HIVEP3: variants seen among roughly 807,000 people sequenced by gnomAD.
HIVEP3 encodes the protein transcription factor HIVEP3.
In HIVEP3, 49 loss-of-function variants were observed where a neutral mutation model predicts 152.8. The ratio of observed to expected loss-of-function variants is 0.32; its 90% CI spans 0.26 to 0.41. The LOEUF (loss-of-function observed/expected upper bound fraction) is 0.41. Ranked by LOEUF, HIVEP3 falls within the 10% of genes least tolerant of loss-of-function variation. The pLI is 1.00. For synonymous variants in HIVEP3, 1,269 were observed against 1,289.0 expected, an observed-to-expected ratio of 0.98 and a Z score of 0.33; for missense variants, 2,790 against 3,103.3, an observed-to-expected ratio of 0.90 and a Z score of 2.40.
At chr1:41,625,883 C>T (rs1401355051) in intron 3 of HIVEP3, among the ~76,000 whole-genome samples, 5 of 152,084 alleles carry the variant, frequency 3.3e-5, no homozygotes, top group Admixed American at 2.0e-4. Flanking sequence ...TATTCATAAA[C>T]CATCATTTTA....
chr1:41,530,315 T>C (rs1345771091), intron 5 of HIVEP3, among the ~76,000 whole-genome samples: 4 of 152,192 alleles, frequency 2.6e-5, no homozygotes, highest in African/African-American at 9.6e-5. Context: ...CTCGGTTCTC[T>C]TAGGAAGGGC....
chr1:42,008,145 T>G (rs1039863716), intron 1 of HIVEP3, among the ~76,000 whole-genome samples: 3 of 147,260 alleles, frequency 2.0e-5, no homozygotes, highest in Non-Finnish European at 4.4e-5. Flanking sequence ...GAAAATATGA[T>G]GGAATGTACA....
chr1:41,606,085 C>T (rs79122961), intron 3 of HIVEP3, among the ~76,000 whole-genome samples: 2,123 of 149,752 alleles, frequency 0.014, 96 homozygotes, highest in African/African-American at 0.052. Flanking sequence ...GAATGCCAAA[C>T]CGTCCTCACT....
intron 1 of HIVEP3, among the ~76,000 whole-genome samples, chr1:42,015,822 C>T (rs1435322741): frequency 1.3e-5 from 2 of 152,272 alleles, no homozygotes; most frequent in Admixed American, 1.3e-4. Context: ...GGATAAAAAT[C>T]TCAGTGAATA....
At chr1:41,753,249 T>A (rs1647193602) in intron 1 of HIVEP3, among the ~76,000 whole-genome samples, 1 of 152,250 alleles carries the variant, frequency 6.6e-6, no homozygotes, top group African/African-American at 2.4e-5. Flanking sequence ...GTTTTTTTAA[T>A]GTGCATCCCC....
At chr1:41,958,937 A>G (rs555156155) in intron 1 of HIVEP3, among the ~76,000 whole-genome samples, 24 of 152,340 alleles carry the variant, frequency 1.6e-4, no homozygotes, top group African/African-American at 5.1e-4. Flanking sequence ...ACCAAGTGAC[A>G]TGAGCTCTGT....
chr1:41,727,144 G>C (rs1646764813), intron 1 of HIVEP3, among the ~76,000 whole-genome samples: 1 of 152,168 alleles, frequency 6.6e-6, no homozygotes, highest in African/African-American at 2.4e-5. Context: ...GTGTTCACTG[G>C]GTTTTTCTAT....
intron 5 of HIVEP3, among the ~76,000 whole-genome samples, chr1:41,541,088 GTGTTGATGCA>G (rs1643520637): frequency 1.3e-5 from 2 of 152,150 alleles, no homozygotes; most frequent in South Asian, 4.1e-4. Flanking sequence ...TAGGCATGGG[GTGTTGATGCA>G]TCAGACTGCC....
intron 1 of HIVEP3, among the ~76,000 whole-genome samples, chr1:41,892,507 A>G (rs1289566917): frequency 6.6e-6 from 1 of 152,226 alleles, no homozygotes; most frequent in East Asian, 1.9e-4. Context: ...AGCACAGAGA[A>G]GGCAGGAAGA....
chr1:41,727,414 TG>T (rs1413475219), intron 1 of HIVEP3, among the ~76,000 whole-genome samples: 1 of 152,110 alleles, frequency 6.6e-6, no homozygotes, highest in Non-Finnish European at 1.5e-5. Flanking sequence ...GCAAGGCCTC[TG>T]GGGATCCCAA....
chr1:41,900,832 G>A (rs1286782621), intron 1 of HIVEP3, among the ~76,000 whole-genome samples: 1 of 152,152 alleles, frequency 6.6e-6, no homozygotes, highest in African/African-American at 2.4e-5. Flanking sequence ...GGGAGTGGCC[G>A]GAGGTGAGGC....
At chr1:41,903,117 C>T (rs181640436) in intron 1 of HIVEP3, among the ~76,000 whole-genome samples, 1 of 152,286 alleles carries the variant, frequency 6.6e-6, no homozygotes, top group East Asian at 1.9e-4. Flanking sequence ...AATACATCTA[C>T]CAACTACCAT....
intron 1 of HIVEP3, among the ~76,000 whole-genome samples, chr1:41,776,023 A>T (rs1648685518): frequency 2.0e-5 from 3 of 152,312 alleles, no homozygotes; most frequent in Admixed American, 2.0e-4. Context: ...ATCACAGAAG[A>T]TCCACTGCAA....
At chr1:41,958,628 C>A (rs1645153023) in intron 1 of HIVEP3, among the ~76,000 whole-genome samples, 1 of 152,228 alleles carries the variant, frequency 6.6e-6, no homozygotes, top group South Asian at 2.1e-4. Context: ...ACCCTTCTTC[C>A]CTCCTAGATC....
At chr1:41,570,070 C>T (rs1644229538) in intron 5 of HIVEP3, among the ~76,000 whole-genome samples, 1 of 152,088 alleles carries the variant, frequency 6.6e-6, no homozygotes, top group East Asian at 1.9e-4. Flanking sequence ...AGGAGAAGTC[C>T]TTGGAGATAG....
At chr1:41,622,066 G>A (rs1465545796) in intron 3 of HIVEP3, among the ~76,000 whole-genome samples, 1 of 152,152 alleles carries the variant, frequency 6.6e-6, no homozygotes, top group African/African-American at 2.4e-5. Context: ...AGCTCCCTGA[G>A]GCCAACCATC....
intron 1 of HIVEP3, among the ~76,000 whole-genome samples, chr1:41,892,475 T>A (rs1250764254): frequency 6.6e-6 from 1 of 152,072 alleles, no homozygotes; most frequent in Non-Finnish European, 1.5e-5. Context: ...TGCCACAGGT[T>A]CAAGTTCTGA....
At chr1:42,021,958 CA>C (rs1224355566) in intron 1 of HIVEP3, among the ~76,000 whole-genome samples, 1 of 152,186 alleles carries the variant, frequency 6.6e-6, no homozygotes, top group Non-Finnish European at 1.5e-5. Context: ...AGTTTCTCTC[CA>C]TCTGTCCGCT....
intron 1 of HIVEP3, among the ~76,000 whole-genome samples, chr1:41,787,050 C>T (rs969298054): frequency 1.3e-5 from 2 of 152,088 alleles, no homozygotes; most frequent in Admixed American, 6.5e-5. Flanking sequence ...CCACACCCGG[C>T]CTACATATGT....
Sources: allele counts gnomAD v4.1 joint callset (sites outside exome capture counted in the v4.1 genomes callset), GRCh38; gene constraint gnomAD v4.1.1; transcripts MANE v1.5; gene names NCBI Gene and HGNC (gene_info 2026-07-23, HGNC 2026-07-21).